The following GABBR2 variants were observed in gnomAD, a reference collection of about 807,000 sequenced individuals.
The protein encoded by GABBR2 is gamma-aminobutyric acid type B receptor subunit 2.
A neutral mutation model predicts 105.6 loss-of-function variants in GABBR2; 23 were observed. The ratio of observed to expected loss-of-function variants is 0.22; its 90% CI spans 0.16 to 0.31. The LOEUF (loss-of-function observed/expected upper bound fraction) is 0.31. Ranked by LOEUF, GABBR2 falls within the 10% of genes least tolerant of loss-of-function variation. GABBR2 has a pLI of 1.00. For missense variants in GABBR2, 734 were observed against 1,245.5 expected, an observed-to-expected ratio of 0.59 and a Z score of 6.18; for synonymous variants, 478 against 499.7, an observed-to-expected ratio of 0.96 and a Z score of 0.58.
intron 1 of GABBR2, among the ~76,000 whole-genome samples, chr9:98,697,999 A>C (rs1478009932): frequency 1.3e-5 from 2 of 152,260 alleles, no homozygotes; most frequent in Non-Finnish European, 2.9e-5. Flanking sequence ...TGGATAATAC[A>C]GTGATGATTA....
intron 1 of GABBR2, among the ~76,000 whole-genome samples, chr9:98,691,679 A>G (rs944002659): frequency 1.9e-4 from 29 of 152,136 alleles, no homozygotes; most frequent in African/African-American, 6.3e-4. Context: ...TCAGTCACCT[A>G]TGTGCTGGCC....
At chr9:98,412,981 A>T (rs937232494) in intron 7 of GABBR2, among the ~76,000 whole-genome samples, 1 of 152,174 alleles carries the variant, frequency 6.6e-6, no homozygotes, top group African/African-American at 2.4e-5. Flanking sequence ...AAAAATAGAC[A>T]ATTTCCCCTG....
intron 8 of GABBR2, among the ~76,000 whole-genome samples, chr9:98,397,846 T>C (rs1017189356): frequency 3.3e-5 from 5 of 152,196 alleles, no homozygotes; most frequent in Admixed American, 6.5e-5. Context: ...GGGCTTCTGA[T>C]TCCTGCTGGC....
At chr9:98,596,353 G>A (rs918085605) in intron 1 of GABBR2, among the ~76,000 whole-genome samples, 2 of 152,204 alleles carry the variant, frequency 1.3e-5, no homozygotes, top group African/African-American at 4.8e-5. Flanking sequence ...TGCACACACT[G>A]AGTGCTCCTA....
At chr9:98,664,937 G>A (rs540090141) in intron 1 of GABBR2, among the ~76,000 whole-genome samples, 75 of 151,954 alleles carry the variant, frequency 4.9e-4, no homozygotes, top group African/African-American at 1.8e-3. Flanking sequence ...ACCAGACTGG[G>A]CAACATAGTG....
chr9:98,516,795 A>G (rs1357761655), intron 3 of GABBR2, among the ~76,000 whole-genome samples: 1 of 151,958 alleles, frequency 6.6e-6, no homozygotes, highest in Non-Finnish European at 1.5e-5. Flanking sequence ...GATATCAACC[A>G]CCCTTGGGCT....
intron 1 of GABBR2, among the ~76,000 whole-genome samples, chr9:98,645,696 G>T (rs986669856): frequency 6.6e-6 from 1 of 152,166 alleles, no homozygotes; most frequent in Non-Finnish European, 1.5e-5. Flanking sequence ...CTAATTAACA[G>T]GAGTACAGTT....
chr9:98,526,831 A>G (rs935164234), intron 3 of GABBR2, among the ~76,000 whole-genome samples: 1 of 152,164 alleles, frequency 6.6e-6, no homozygotes, highest in Non-Finnish European at 1.5e-5. Flanking sequence ...CAAATTCTAA[A>G]AAGGCATCTG....
chr9:98,338,755 T>C (rs1831158224), intron 13 of GABBR2, among the ~76,000 whole-genome samples: 2 of 152,204 alleles, frequency 1.3e-5, no homozygotes, highest in African/African-American at 4.8e-5. Flanking sequence ...ATGGTTACCA[T>C]GTAGCCCAGC....
intron 13 of GABBR2, among the ~76,000 whole-genome samples, chr9:98,362,356 A>C (rs538981237): frequency 1.3e-5 from 2 of 152,360 alleles, no homozygotes; most frequent in African/African-American, 4.8e-5. Context: ...GAGCTTTCAG[A>C]ATGTTTACAC....
At chr9:98,513,631 A>G (rs1349125576) in intron 3 of GABBR2, among the ~76,000 whole-genome samples, 2 of 151,478 alleles carry the variant, frequency 1.3e-5, no homozygotes, top group African/African-American at 4.8e-5. Context: ...GAAGACATTT[A>G]TGCAGCCAAA....
intron 1 of GABBR2, among the ~76,000 whole-genome samples, chr9:98,659,784 G>A (rs1830234077): frequency 6.6e-6 from 1 of 151,802 alleles, no homozygotes; most frequent in Non-Finnish European, 1.5e-5. Flanking sequence ...GTCTCCCAAA[G>A]TGTTGGGATT....
At chr9:98,598,577 G>A (rs1829272429) in intron 1 of GABBR2, among the ~76,000 whole-genome samples, 1 of 102,840 alleles carries the variant, frequency 9.7e-6, no homozygotes, top group Non-Finnish European at 1.9e-5. Flanking sequence ...ACATAGGAAA[G>A]AAGAAGAAAA....
intron 7 of GABBR2, among the ~76,000 whole-genome samples, chr9:98,422,811 T>C (rs1832807780): frequency 7.1e-6 from 1 of 140,808 alleles, no homozygotes; most frequent in Non-Finnish European, 1.5e-5. Flanking sequence ...CCTTCCTGTG[T>C]CCATGTGTTC....
chr9:98,351,675 AATG>A (rs1831401696), intron 13 of GABBR2, among the ~76,000 whole-genome samples: 1 of 152,190 alleles, frequency 6.6e-6, no homozygotes, highest in Admixed American at 6.5e-5. Context: ...TTCCTTTCTT[AATG>A]ATATCTATCT....
intron 12 of GABBR2, among the ~76,000 whole-genome samples, chr9:98,363,116 C>T (rs1011337377): frequency 2.6e-5 from 4 of 152,172 alleles, no homozygotes; most frequent in Non-Finnish European, 5.9e-5. Context: ...TTTCACCCTC[C>T]AGGTCTCTGT....
chr9:98,601,954 T>C (rs1016396742), intron 1 of GABBR2, among the ~76,000 whole-genome samples: 1 of 152,086 alleles, frequency 6.6e-6, no homozygotes, highest in Non-Finnish European at 1.5e-5. Context: ...CTTAGCTGAG[T>C]TGCTGAGTTG....
chr9:98,585,328 C>A (rs531496397), intron 1 of GABBR2, among the ~76,000 whole-genome samples: 43 of 151,830 alleles, frequency 2.8e-4, no homozygotes, highest in Non-Finnish European at 5.9e-5. Context: ...ATGATGAGTT[C>A]ATGTCCTTTG....
At chr9:98,391,298 C>T (rs1212667778) in intron 9 of GABBR2, among the ~76,000 whole-genome samples, 1 of 152,182 alleles carries the variant, frequency 6.6e-6, no homozygotes, top group Non-Finnish European at 1.5e-5. Flanking sequence ...ACTTGATCCA[C>T]CCAACAGCCT....
Sources: gnomAD v4.1 joint callset for allele counts (sites outside exome capture counted in the v4.1 genomes callset) on GRCh38, gnomAD v4.1.1 for gene constraint, MANE v1.5 for transcripts, NCBI Gene and HGNC (gene_info 2026-07-23, HGNC 2026-07-21) for gene names.